The following XPO4 variants were observed in gnomAD, a reference collection of about 807,000 sequenced individuals.
The protein encoded by XPO4 is exportin 4, also known as exportin-4.
In XPO4, 39 loss-of-function variants were observed where a neutral mutation model predicts 143.0. The observed-to-expected ratio is 0.27, with a 90% CI of 0.21 to 0.36. XPO4 has a LOEUF of 0.36. Among genes scored for constraint, XPO4 ranks in the 10% least tolerant of loss-of-function variants. The probability of loss-of-function intolerance (pLI) is 1.00; values close to 1 mark genes in which losing one functional copy is unlikely to be tolerated. For synonymous variants in XPO4, 439 were observed against 474.0 expected, an observed-to-expected ratio of 0.93 and a Z score of 0.96; for missense variants, 907 against 1,348.0, an observed-to-expected ratio of 0.67 and a Z score of 5.12.
chr13:20,826,768 A>G (rs1255574776), intron 7 of XPO4, among the ~76,000 whole-genome samples: 1 of 152,228 alleles, frequency 6.6e-6, no homozygotes, highest in Non-Finnish European at 1.5e-5. Flanking sequence ...CAGGACAAAT[A>G]TAACCTATAT....
intron 4 of XPO4, chr13:20,850,096 ACT>A: frequency 1.2e-5 from 12 of 980,176 alleles, no homozygotes; most frequent in South Asian, 4.7e-5. Context: ...ACAGAGCAAG[ACT>A]CTGTCTCAAC....
Position 20,855,853 on chromosome 13 carries a change from A to G in XPO4, c.318-88T>C, listed in dbSNP as rs1009868572. 8 of 1,335,892 alleles carry G rather than the reference A, an allele frequency of 6.0e-6. No individual in the cohort carries two copies. In the African/African-American group the frequency reaches 1.2e-4, roughly 20 times the overall value. The allele number at this position is 1,335,892 out of a possible 1,614,324, so 82.8% of individuals were successfully genotyped here. A position where few individuals can be genotyped will look rare whatever the true frequency, so the allele number is the denominator to read the frequency against. On this transcript the variant is annotated intron_variant, in intron 3 of 22. Transcript: ENST00000255305. Reference sequence around the variant, plus strand: ...CTTCTCTCTATGCCTGAAGCTACTAATAACATTGCTTACATGTGAGAGTAG... The same window carrying G: ...CTTCTCTCTATGCCTGAAGCTACTAGTAACATTGCTTACATGTGAGAGTAG...
chr13:20,833,983 T>C (rs1292074508), intron 6 of XPO4, among the ~76,000 whole-genome samples: 1 of 152,238 alleles, frequency 6.6e-6, no homozygotes, highest in East Asian at 1.9e-4. Flanking sequence ...TGCACAACAG[T>C]GATCTAAAAC....
In XPO4 at chr13:20,778,853, T is replaced by C. The variant is rs1231774726; in HGVS notation, c.*4869A>G. On this transcript the variant is annotated 3_prime_UTR_variant, in exon 23 of 23. Transcript: ENST00000255305. ...GTCTAGCTAAATACCCATGAACAAA[T>C]CACACATGGTCAAAACAAAAATGTA... 6.6e-6 allele frequency: 1 copy of C among 152,078 alleles called. No homozygotes were observed. Among genetic ancestry groups the C allele is most frequent in the Non-Finnish European group, 1.5e-5 (1 of 67,990 alleles). The allele number at this position is 152,078 out of a possible 1,614,324, so 9.4% of individuals were successfully genotyped here. A position where few individuals can be genotyped will look rare whatever the true frequency, so the allele number is the denominator to read the frequency against.
chr13:20,870,944 G>A (rs1405372878), intron 1 of XPO4, among the ~76,000 whole-genome samples: 2 of 151,856 alleles, frequency 1.3e-5, no homozygotes, highest in East Asian at 1.9e-4. Context: ...CTCAGTAGCT[G>A]GGACTACAGG....
At chr13:20,796,343 C>A in intron 17 of XPO4, 87 bp from the exon 18 acceptor site, 2 of 936,376 alleles carry the variant, frequency 2.1e-6, no homozygotes, top group Non-Finnish European at 2.9e-6. Context: ...AAATTAACTC[C>A]GAATTCCAAC....
At chr13:20,792,067 G>C (rs1698558093) in intron 18 of XPO4, among the ~76,000 whole-genome samples, 3 of 152,220 alleles carry the variant, frequency 2.0e-5, no homozygotes, top group African/African-American at 7.2e-5. Context: ...ACGTCTCTCA[G>C]AGCCGGCAAA....
intron 12 of XPO4, 117 bp from the exon 13 acceptor site, chr13:20,807,751 T>C (rs1595076980): frequency 2.5e-6 from 2 of 795,146 alleles, no homozygotes; most frequent in African/African-American, 3.6e-5. Context: ...AAATTATAAA[T>C]GTTAACCTGT....
At chr13:20,900,091 A>C (rs2060605669) in intron 1 of XPO4, among the ~76,000 whole-genome samples, 1 of 152,198 alleles carries the variant, frequency 6.6e-6, no homozygotes, top group Non-Finnish European at 1.5e-5. Context: ...TGTAAAATGA[A>C]AACGAAAGTA....
At chr13:20,839,686 A>T (rs531361777) in intron 6 of XPO4, among the ~76,000 whole-genome samples, 3 of 152,196 alleles carry the variant, frequency 2.0e-5, no homozygotes, top group South Asian at 2.1e-4. Flanking sequence ...AAATTAAAAT[A>T]AAAAAATTAG....
At position 20,827,142 on chromosome 13, in the gene XPO4, T is replaced by C; in HGVS notation, c.765A>G (p.Gln255=). The change falls in exon 7 of 23, where the codon CAA becomes CAG. Residue 255 remains glutamine (Q), a synonymous_variant. Coordinates refer to ENST00000255305, the MANE Select transcript of XPO4 (RefSeq NM_022459.5). ...RHYIAMFESS[Q]NVLLKPTESW... ...ACTCTGTTGGCTTCAACAGCACATT[T>C]TGCGAGGATTCAAACATAGCTATAT... 6.2e-7 allele frequency: 1 copy of C among 1,614,012 alleles called. No homozygotes were observed. The highest frequency in any genetic ancestry group is 8.5e-7 in the Non-Finnish European group (1 of 1,179,892).
chr13:20,842,968 C>T lies in XPO4; in HGVS notation c.654G>A (p.Gln218=), dbSNP rs764018205. The stretch of plus-strand genomic sequence containing the variant: ...GGTAACGCTGAAATACTGAAGACAT[C>T]TGAGCATTGAGGTTTTCCCGCCTGC... ...EFSRRENLNA[Q]MSSVFQRYLA... is the part of the protein sequence containing the mutation. Residue 218 remains glutamine (Q), a synonymous_variant, in exon 6 of 23, where the codon CAG becomes CAA. Transcript: ENST00000255305. 24 of 1,613,526 alleles carry T rather than the reference C, an allele frequency of 1.5e-5. No homozygotes were observed. Among genetic ancestry groups the T allele is most frequent in the Non-Finnish European group, 1.9e-5 (23 of 1,179,698 alleles).
Position 20,833,892 on chromosome 13 carries a change from G to C in XPO4, c.728-6713C>G, listed in dbSNP as rs541029930. On this transcript the variant is annotated intron_variant, in intron 6 of 22. Coordinates refer to ENST00000255305, the MANE Select transcript of XPO4 (RefSeq NM_022459.5). ...AGAGCTATGAGAGGGAGGTGGTGAT[G>C]AGACCGCCCCGGACCCCAGCGCCCA... is the stretch of plus-strand genomic sequence containing the variant. Among the ~76,000 whole-genome samples the C allele has an allele frequency of 2.0e-5, 3 of 152,284 alleles. No individual in the cohort carries two copies. In the East Asian group the frequency reaches 5.8e-4, roughly 29 times the overall value.
intron 11 of XPO4, 79 bp from the exon 12 acceptor site, chr13:20,808,660 A>G: frequency 1.6e-6 from 2 of 1,245,242 alleles, no homozygotes; most frequent in Non-Finnish European, 2.2e-6. Context: ...CATATATTAG[A>G]CAACATGAAT....
chr13:20,900,206 G>A (rs1240013683), intron 1 of XPO4, among the ~76,000 whole-genome samples: 2 of 152,152 alleles, frequency 1.3e-5, no homozygotes, highest in African/African-American at 4.8e-5. Context: ...CCAACATGGT[G>A]AAACCCTGTC....
intron 1 of XPO4, among the ~76,000 whole-genome samples, chr13:20,883,015 T>A (rs141603620): frequency 6.6e-6 from 1 of 152,170 alleles, no homozygotes; most frequent in Non-Finnish European, 1.5e-5. Flanking sequence ...TCCCAGTGCT[T>A]CCTTTTTCCC....
intron 13 of XPO4, among the ~76,000 whole-genome samples, chr13:20,806,707 C>A (rs779619051): frequency 1.1e-4 from 17 of 151,902 alleles, no homozygotes; most frequent in Non-Finnish European, 2.2e-4. Flanking sequence ...CGTACACCAC[C>A]ACATCCAGCT....
intron 3 of XPO4, among the ~76,000 whole-genome samples, chr13:20,856,653 C>T (rs906442777): frequency 1.3e-5 from 2 of 152,164 alleles, no homozygotes; most frequent in South Asian, 2.1e-4. Context: ...AATTATTAGT[C>T]GTTCTTTATT....
intron 2 of XPO4, among the ~76,000 whole-genome samples, chr13:20,864,312 T>A (rs575676416): frequency 1.3e-5 from 2 of 152,242 alleles, no homozygotes; most frequent in East Asian, 3.9e-4. Context: ...ATTCAAATAA[T>A]CTCTCATTAT....
Sources: gnomAD v4.1 joint callset for allele counts (sites outside exome capture counted in the v4.1 genomes callset) on GRCh38, gnomAD v4.1.1 for gene constraint, MANE v1.5 for transcripts, NCBI Gene and HGNC (gene_info 2026-07-23, HGNC 2026-07-21) for gene names.